Variants in ELSPBP1 observed in about 807,000 individuals in gnomAD.
ELSPBP1 encodes epididymal sperm binding protein 1, also known as epididymal sperm-binding protein 1.
A neutral mutation model predicts 33.3 loss-of-function variants in ELSPBP1; 38 were observed. The ratio of observed to expected loss-of-function variants is 1.14; its 90% CI spans 0.88 to 1.50. The LOEUF (loss-of-function observed/expected upper bound fraction) is 1.50. ELSPBP1 is among the 40% of genes most tolerant of loss of function. ELSPBP1 has a pLI of 0.00. For missense variants in ELSPBP1, 267 were observed against 263.5 expected, an observed-to-expected ratio of 1.01 and a Z score of -0.09; for synonymous variants, 85 against 94.1, an observed-to-expected ratio of 0.90 and a Z score of 0.56.
At chr19:48,014,381 C>G in intron 3 of ELSPBP1, 73 bp downstream of exon 3, 2 of 1,518,360 alleles carry the variant, frequency 1.3e-6, no homozygotes, top group Non-Finnish European at 1.8e-6. Context: ...GTGTGACTGT[C>G]TATGACATGA....
intron 2 of ELSPBP1, among the ~76,000 whole-genome samples, chr19:48,013,287 A>G (rs1014614422): frequency 2.0e-5 from 3 of 151,978 alleles, no homozygotes; most frequent in African/African-American, 7.3e-5. Flanking sequence ...TGTGTATGAA[A>G]CTCTTCCCCA....
chr19:48,022,135 G>A, intron 5 of ELSPBP1, 35 bp from the exon 6 acceptor site: 3 of 1,590,904 alleles, frequency 1.9e-6, no homozygotes, highest in East Asian at 2.2e-5. Context: ...GAAGCCTGAG[G>A]AGTAACCTTT....
chr19:48,005,780 G>C (rs964743765), intron 1 of ELSPBP1, among the ~76,000 whole-genome samples: 1 of 152,212 alleles, frequency 6.6e-6, no homozygotes, highest in African/African-American at 2.4e-5. Flanking sequence ...GATTGTTGGA[G>C]TTCACTTGCA....
chr19:48,011,137 G>A lies in ELSPBP1; in HGVS notation c.70+2400G>A, dbSNP rs995174111. Among the ~76,000 whole-genome samples the A allele has an allele frequency of 9.2e-5, 14 of 151,684 alleles. No homozygotes were observed. The highest frequency in any genetic ancestry group is 2.6e-4 in the Admixed American group (4 of 15,240). On this transcript the variant is annotated intron_variant, in intron 2 of 6. Transcript: ENST00000339841. The surrounding 1 kb of genome is among the most constrained non-coding windows in gnomAD (Gnocchi z 4.5). The stretch of plus-strand genomic sequence containing the variant: ...TGATGGTGACAGTGATGATGATGAC[G>A]ATGATGATAATGATTATGACAATGA...
chr19:48,019,579 A>T, intron 4 of ELSPBP1, 140 bp from the exon 5 acceptor site: 1 of 709,294 alleles, frequency 1.4e-6, no homozygotes, highest in Non-Finnish European at 2.3e-6. Flanking sequence ...TGGGATAATA[A>T]CGTCATCCGG....
chr19:48,006,674 T>A (rs1169367516), intron 1 of ELSPBP1, among the ~76,000 whole-genome samples: 2 of 149,996 alleles, frequency 1.3e-5, no homozygotes, highest in Admixed American at 1.3e-4. Context: ...TTTAAGTAAT[T>A]TCCCTGAAGT....
chr19:48,019,585 T>C, intron 4 of ELSPBP1, 134 bp from the exon 5 acceptor site: 1 of 757,450 alleles, frequency 1.3e-6, no homozygotes, highest in Non-Finnish European at 2.1e-6. Context: ...AATAACGTCA[T>C]CCGGAAGTTG....
chr19:48,023,831 TTTCTTTC>T (rs1034408395), intron 6 of ELSPBP1, among the ~76,000 whole-genome samples: 2 of 151,962 alleles, frequency 1.3e-5, no homozygotes, highest in Non-Finnish European at 2.9e-5. Context: ...TTTTTTCTTT[TTTCTTTC>T]TTCTTTCTTT....
At position 48,019,791 on chromosome 19, in the gene ELSPBP1, G is replaced by C; in HGVS notation, c.428G>C (p.Cys143Ser). The change falls in exon 5 of 7, where the codon TGC (cysteine) becomes TCC (serine). Residue 143 changes from cysteine (C) to serine (S), a missense_variant. Cys to Ser is a moderately radical substitution (Grantham distance 112). Transcript: ENST00000339841. ...SIYRNNVVSDCMEDESNKLWC... is the reference protein window; with the variant it reads ...SIYRNNVVSDSMEDESNKLWC... ...TACAGAAATAATGTGGTCTCTGATT[G>C]CATGGAGGATGAAAGCAACAAGCTC... 1 of 1,614,018 alleles carries C rather than the reference G, an allele frequency of 6.2e-7. No individual in the cohort carries two copies. Among genetic ancestry groups the C allele is most frequent in the South Asian group, 1.1e-5 (1 of 91,054 alleles).
At position 48,011,073 on chromosome 19, in the gene ELSPBP1, C is replaced by T. The variant is rs554395485; in HGVS notation, c.70+2336C>T. Among the ~76,000 whole-genome samples, 390 of 151,240 alleles carry T rather than the reference C, an allele frequency of 2.6e-3. 3 individuals are homozygous for T. Among genetic ancestry groups the T allele is most frequent in the African/African-American group, 8.9e-3 (368 of 41,128 alleles). On this transcript the variant is annotated intron_variant, in intron 2 of 6. Transcript: ENST00000339841. This position sits in a 1 kb window ranked among gnomAD's most constrained non-coding sequence, Gnocchi z 4.5. ...GATATGACGATGATGACAATGATGA[C>T]GGTAATGATGACAACAATAATAGCG... is the stretch of plus-strand genomic sequence containing the variant.
chr19:48,019,584 A>G, intron 4 of ELSPBP1, 135 bp from the exon 5 acceptor site: 1 of 738,102 alleles, frequency 1.4e-6, no homozygotes, highest in Non-Finnish European at 2.2e-6. Context: ...TAATAACGTC[A>G]TCCGGAAGTT....
At chr19:48,006,232 T>C (rs1967015889) in intron 1 of ELSPBP1, among the ~76,000 whole-genome samples, 1 of 152,178 alleles carries the variant, frequency 6.6e-6, no homozygotes, top group African/African-American at 2.4e-5. Flanking sequence ...ATCTGTCATA[T>C]TTTTATGATT....
At chr19:48,007,412 G>C (rs1169153733) in intron 1 of ELSPBP1, among the ~76,000 whole-genome samples, 1 of 152,058 alleles carries the variant, frequency 6.6e-6, no homozygotes, top group Non-Finnish European at 1.5e-5. Flanking sequence ...CCTGCCCTTA[G>C]ATTTTCAGGA....
intron 1 of ELSPBP1, among the ~76,000 whole-genome samples, chr19:48,003,337 A>G (rs552876716): frequency 3.4e-4 from 35 of 103,738 alleles, no homozygotes; most frequent in African/African-American, 1.3e-3. Context: ...CCATGCAAAT[A>G]GCTGGGGTCA....
intron 1 of ELSPBP1, among the ~76,000 whole-genome samples, chr19:48,004,717 C>T (rs946845923): frequency 1.1e-4 from 17 of 152,180 alleles, no homozygotes; most frequent in Non-Finnish European, 1.9e-4. Flanking sequence ...ATGATCACAG[C>T]GAAGAGTTGT....
At chr19:47,996,640 T>C (rs1385748442) in intron 1 of ELSPBP1, among the ~76,000 whole-genome samples, 2 of 151,658 alleles carry the variant, frequency 1.3e-5, no homozygotes, top group Non-Finnish European at 2.9e-5. Context: ...GAAGGATACA[T>C]GGGTGGATGG....
chr19:48,005,631 C>T (rs547470883), intron 1 of ELSPBP1, among the ~76,000 whole-genome samples: 1 of 152,234 alleles, frequency 6.6e-6, no homozygotes, highest in East Asian at 1.9e-4. Context: ...AGTTCTGGCT[C>T]TCAGAAGTGA....
intron 1 of ELSPBP1, among the ~76,000 whole-genome samples, chr19:48,001,080 C>T (rs1966962554): frequency 6.6e-6 from 1 of 152,132 alleles, no homozygotes; most frequent in African/African-American, 2.4e-5. Flanking sequence ...TAAAGGTCGC[C>T]TGCATTCTTT....
At chr19:48,018,129 T>C (rs1967162337) in intron 4 of ELSPBP1, among the ~76,000 whole-genome samples, 1 of 152,178 alleles carries the variant, frequency 6.6e-6, no homozygotes, top group Admixed American at 6.6e-5. Flanking sequence ...ATTTCCTTTC[T>C]ATGGATAAGT....
Sources: allele counts gnomAD v4.1 joint callset (sites outside exome capture counted in the v4.1 genomes callset), GRCh38; gene constraint gnomAD v4.1.1; non-coding constraint Gnocchi (gnomAD v3.1); transcripts MANE v1.5; gene names NCBI Gene and HGNC (gene_info 2026-07-23, HGNC 2026-07-21).